The following MPDZ variants were observed in gnomAD, a reference collection of about 807,000 sequenced individuals.
MPDZ encodes multiple PDZ domain protein.
In MPDZ, 234 loss-of-function variants were observed where a neutral mutation model predicts 239.1. That is an observed-to-expected ratio of 0.98 (90% CI 0.88 to 1.09). The LOEUF is 1.09. MPDZ is among the 50% of genes least tolerant of loss of function. The probability of loss-of-function intolerance (pLI) is 0.00; values close to 1 mark genes in which losing one functional copy is unlikely to be tolerated. For missense variants in MPDZ, 3,175 were observed against 2,510.0 expected (o/e 1.26, Z -5.66); for synonymous variants, 1,048 against 881.3 (o/e 1.19, Z -3.35).
chr9:13,193,037 T>C, intron 14 of MPDZ, 130 bp downstream of exon 14: 1 of 876,938 alleles, frequency 1.1e-6, no homozygotes, highest in Non-Finnish European at 1.5e-6. Context: ...GGGTTGTTTT[T>C]ATCTGTAGAT....
Position 13,256,907 on chromosome 9 carries a change from T to C in MPDZ, c.-57-6535A>G, listed in dbSNP as rs145390884. ...CAATTTATTTAAAAAACATGCAATA[T>C]CTGCAAAGCACAATAAGACAAAATT... On this transcript the variant is annotated intron_variant, in intron 1 of 46. Transcript: ENST00000319217. Among the ~76,000 whole-genome samples the C allele has an allele frequency of 2.4e-4, 37 of 152,284 alleles. 1 individual carries two copies. In the East Asian group the frequency reaches 6.4e-3, roughly 26 times the overall value.
chr9:13,230,204 G>C (rs1215211577), intron 3 of MPDZ, among the ~76,000 whole-genome samples: 1 of 152,094 alleles, frequency 6.6e-6, no homozygotes, highest in Non-Finnish European at 1.5e-5. Context: ...ATTGCTGGTG[G>C]AAATGTAAAA....
chr9:13,198,715 T>A (rs79407779), intron 12 of MPDZ, among the ~76,000 whole-genome samples: 1,652 of 91,508 alleles, frequency 0.018, 41 homozygotes, highest in African/African-American at 0.044. Context: ...AGTTCTTATA[T>A]TTAGGTCTTT....
intron 10 of MPDZ, among the ~76,000 whole-genome samples, chr9:13,213,049 C>T (rs1236423704): frequency 2.6e-5 from 4 of 152,030 alleles, no homozygotes; most frequent in African/African-American, 4.8e-5. Flanking sequence ...TATTTATATG[C>T]TTATTTAATA....
At chr9:13,171,936 A>T (rs963213222) in intron 21 of MPDZ, among the ~76,000 whole-genome samples, 5 of 152,160 alleles carry the variant, frequency 3.3e-5, no homozygotes, top group African/African-American at 1.2e-4. Context: ...CACTAGCACA[A>T]ACCCAGCCTC....
intron 24 of MPDZ, among the ~76,000 whole-genome samples, chr9:13,155,034 C>G (rs543441346): frequency 6.6e-6 from 1 of 151,960 alleles, no homozygotes; most frequent in African/African-American, 2.4e-5. Flanking sequence ...CTGGCCAACA[C>G]GGTGAAACCC....
Position 13,136,182 on chromosome 9 carries a change from T to C in MPDZ, c.4293A>G (p.Arg1431=). 1 of 1,607,370 alleles carries C rather than the reference T, an allele frequency of 6.2e-7. No homozygotes were observed. Among genetic ancestry groups the C allele is most frequent in the South Asian group, 1.1e-5 (1 of 90,324 alleles). The change falls in exon 31 of 47, where the codon AGA becomes AGG. Residue 1431 remains arginine (R), a splice_region_variant and synonymous_variant. Coordinates refer to ENST00000319217, the MANE Select transcript of MPDZ (RefSeq NM_001378778.1). ...CCATCTGATTCACTGCATCTTTATT[T>C]CTAAAAGCAAAAAAACAACAACCTA... ...APSKVKIIFI[R]NKDAVNQMAV...
intron 1 of MPDZ, among the ~76,000 whole-genome samples, chr9:13,258,454 A>T (rs1389454363): frequency 6.6e-6 from 1 of 152,212 alleles, no homozygotes; most frequent in Non-Finnish European, 1.5e-5. Flanking sequence ...ATTTAAATTT[A>T]CCATTTCTAT....
chr9:13,275,407 AAACC>A (rs1293839887), intron 1 of MPDZ, among the ~76,000 whole-genome samples: 1 of 152,218 alleles, frequency 6.6e-6, no homozygotes, highest in African/African-American at 2.4e-5. Flanking sequence ...GGCTTGGTAG[AAACC>A]AATCCCACCA....
chr9:13,234,234 T>C (rs1963336105), intron 3 of MPDZ, among the ~76,000 whole-genome samples: 1 of 152,238 alleles, frequency 6.6e-6, no homozygotes, highest in East Asian at 1.9e-4. Context: ...AACAATATGA[T>C]AATGCACTCA....
chr9:13,238,038 T>C (rs1254143399), intron 3 of MPDZ, among the ~76,000 whole-genome samples: 1 of 152,146 alleles, frequency 6.6e-6, no homozygotes, highest in African/African-American at 2.4e-5. Context: ...TAAGAAGAAA[T>C]TACTTAGGCA....
At chr9:13,256,272 T>G (rs1455477057) in intron 1 of MPDZ, among the ~76,000 whole-genome samples, 2 of 152,226 alleles carry the variant, frequency 1.3e-5, no homozygotes, top group Non-Finnish European at 2.9e-5. Context: ...TGATTTGATC[T>G]TCTATCCAGA....
chr9:13,182,799 T>G lies in MPDZ; in HGVS notation c.2649+619A>C, dbSNP rs1953533552. 3.9e-5 allele frequency among the ~76,000 whole-genome samples: 6 copies of G among 152,206 alleles called. No homozygotes were observed. The South Asian group carries it at 1.2e-3, about 32-fold the overall frequency. On this transcript the variant is annotated intron_variant, in intron 19 of 46. Transcript: ENST00000319217. ...ATTATAGAGTATGTCACCAAGAAAA[T>G]GAATAGAGTTGGGGCATTTATGCCA...
In MPDZ at chr9:13,193,154, C is replaced by G. The variant is rs748798842; in HGVS notation, c.1803+13G>C. 1.3e-6 allele frequency: 2 copies of G among 1,554,112 alleles called. No individual in the cohort carries two copies. Among genetic ancestry groups the G allele is most frequent in the Admixed American group, 3.5e-5 (2 of 56,430 alleles). On this transcript the variant is annotated intron_variant, in intron 14 of 46. Coordinates refer to ENST00000319217, the MANE Select transcript of MPDZ (RefSeq NM_001378778.1). ...CTTATTTAAGGAGGAGAAGGAACAG[C>G]ATAGCTCCTTACTTCCAATAGCTCG...
chr9:13,254,256 G>A (rs1416799758), intron 1 of MPDZ, among the ~76,000 whole-genome samples: 8 of 152,018 alleles, frequency 5.3e-5, no homozygotes, highest in East Asian at 3.9e-4. Context: ...ACCACCGGTC[G>A]GTCTATCAAA....
intron 1 of MPDZ, among the ~76,000 whole-genome samples, chr9:13,262,605 A>G (rs1970947781): frequency 6.6e-6 from 1 of 152,096 alleles, no homozygotes; most frequent in Admixed American, 6.5e-5. Context: ...TAATATATAC[A>G]CCAAGATGAA....
intron 32 of MPDZ, among the ~76,000 whole-genome samples, chr9:13,129,655 G>C (rs1242780074): frequency 2.0e-5 from 3 of 152,078 alleles, no homozygotes; most frequent in Non-Finnish European, 4.4e-5. Context: ...TTTGGGGCTA[G>C]TTATTAAAAC....
At chr9:13,179,763 T>A (rs1953027848) in intron 19 of MPDZ, among the ~76,000 whole-genome samples, 1 of 152,182 alleles carries the variant, frequency 6.6e-6, no homozygotes, top group African/African-American at 2.4e-5. Context: ...TCAAATATAC[T>A]TTTTAAAAGT....
intron 15 of MPDZ, among the ~76,000 whole-genome samples, chr9:13,190,871 A>G (rs1954824491): frequency 6.6e-6 from 1 of 152,164 alleles, no homozygotes; most frequent in Non-Finnish European, 1.5e-5. Flanking sequence ...ATTGAGCAAT[A>G]TTCATCAACT....
Sources: allele counts gnomAD v4.1 joint callset (sites outside exome capture counted in the v4.1 genomes callset), GRCh38; gene constraint gnomAD v4.1.1; transcripts MANE v1.5; gene names NCBI Gene and HGNC (gene_info 2026-07-23, HGNC 2026-07-21).